Variants in ZNRF3 observed in about 807,000 individuals in gnomAD.
The protein encoded by ZNRF3 is zinc and ring finger 3, also known as E3 ubiquitin-protein ligase ZNRF3.
Under a neutral mutation model 72.5 loss-of-function variants are expected in ZNRF3, and 23 were observed. That is an observed-to-expected ratio of 0.32 (90% CI 0.23 to 0.45). The LOEUF (loss-of-function observed/expected upper bound fraction) is 0.45. ZNRF3 is among the 20% of genes least tolerant of loss of function. The pLI, the probability that ZNRF3 is intolerant of heterozygous loss-of-function variation, is 1.00. For missense variants in ZNRF3, 1,169 were observed against 1,272.1 expected (o/e 0.92, Z 1.23); for synonymous variants, 610 against 545.3 (o/e 1.12, Z -1.65).
chr22:28,921,173 C>T (rs1601560165), intron 1 of ZNRF3, among the ~76,000 whole-genome samples: 1 of 152,198 alleles, frequency 6.6e-6, no homozygotes, highest in African/African-American at 2.4e-5. Context: ...ATGGTTCCCT[C>T]CGGTTCATTG....
chr22:29,021,912 A>C (rs995412121), intron 2 of ZNRF3, among the ~76,000 whole-genome samples: 1 of 151,986 alleles, frequency 6.6e-6, no homozygotes, highest in African/African-American at 2.4e-5. Flanking sequence ...ACACACACAC[A>C]CCCATTAAAC....
At chr22:28,966,867 CT>C (rs530036984) in intron 1 of ZNRF3, among the ~76,000 whole-genome samples, 409 of 102,432 alleles carry the variant, frequency 4.0e-3, no homozygotes, top group Middle Eastern at 0.011. Context: ...TTTTAAAAAT[CT>C]TTTTTTTTTT....
intron 1 of ZNRF3, among the ~76,000 whole-genome samples, chr22:28,898,172 T>C (rs1273230505): frequency 6.6e-6 from 1 of 152,060 alleles, no homozygotes; most frequent in Non-Finnish European, 1.5e-5. Context: ...GCTCTTGGAC[T>C]CCTAAGCTCG....
chr22:28,902,478 G>A (rs907184330), intron 1 of ZNRF3, among the ~76,000 whole-genome samples: 3 of 151,892 alleles, frequency 2.0e-5, no homozygotes, highest in Middle Eastern at 3.2e-3. Flanking sequence ...CCTGTCCTGC[G>A]CTCAAATGAT....
At chr22:29,009,149 A>C (rs1486821833) in intron 2 of ZNRF3, among the ~76,000 whole-genome samples, 1 of 152,180 alleles carries the variant, frequency 6.6e-6, no homozygotes, top group Non-Finnish European at 1.5e-5. Flanking sequence ...TTTTCCTAAA[A>C]GTCTTTCTGG....
intron 1 of ZNRF3, among the ~76,000 whole-genome samples, chr22:28,956,878 A>C (rs2035271678): frequency 6.6e-6 from 1 of 152,218 alleles, no homozygotes; most frequent in South Asian, 2.1e-4. Flanking sequence ...ATAAGGCCTA[A>C]TAAGCATGGC....
chr22:29,008,529 T>C (rs1319931541), intron 2 of ZNRF3, among the ~76,000 whole-genome samples: 2 of 152,218 alleles, frequency 1.3e-5, no homozygotes, highest in African/African-American at 4.8e-5. Context: ...CTCGAACTTT[T>C]TTGGGTTTTA....
At position 29,049,437 on chromosome 22, in the gene ZNRF3, A is replaced by G. The variant is rs2037139438; in HGVS notation, c.1256A>G (p.Tyr419Cys). The change falls in exon 8 of 9, where the codon TAC (tyrosine) becomes TGC (cysteine). Residue 419 changes from tyrosine (Y) to cysteine (C), a missense_variant. Tyr to Cys is a radical substitution (Grantham distance 194, BLOSUM62 -2). This residue lies in a region of ZNRF3 where 783 missense variants were observed against 731.4 expected (regional missense o/e 1.07). Coordinates refer to ENST00000544604, the MANE Select transcript of ZNRF3 (RefSeq NM_001206998.2). The surrounding 1 kb of genome is among the most constrained non-coding windows in gnomAD (Gnocchi z 5.2). ...CAGACCCCCGCCTACATCCGCAGCT[A>G]CCCACCCCTCCACCTGGACCACAGC... is the stretch of plus-strand genomic sequence containing the variant. ...SPQTPAYIRSYPPLHLDHSLA... is the reference protein window; with the variant it reads ...SPQTPAYIRSCPPLHLDHSLA... The G allele has an allele frequency of 1.2e-6, 2 of 1,605,642 alleles. No homozygotes were observed. The highest frequency in any genetic ancestry group is 2.7e-5 in the African/African-American group (2 of 74,784).
At chr22:29,021,091 C>A (rs1242697896) in intron 2 of ZNRF3, among the ~76,000 whole-genome samples, 2 of 151,952 alleles carry the variant, frequency 1.3e-5, no homozygotes, top group Non-Finnish European at 2.9e-5. Context: ...CCACTGCACT[C>A]GGCCTGTTTT....
At chr22:28,969,533 G>A (rs185147442) in intron 1 of ZNRF3, among the ~76,000 whole-genome samples, 1 of 152,224 alleles carries the variant, frequency 6.6e-6, no homozygotes, top group African/African-American at 2.4e-5. Flanking sequence ...AAAACCTATG[G>A]TAGGTAGGCC....
At chr22:29,052,991 A>G (rs771491791) in intron 8 of ZNRF3, among the ~76,000 whole-genome samples, 3 of 152,108 alleles carry the variant, frequency 2.0e-5, no homozygotes, top group Non-Finnish European at 2.9e-5. Flanking sequence ...AAATGTTAGC[A>G]TCTCACTCAG....
chr22:28,888,290 G>T (rs1302230547), intron 1 of ZNRF3, among the ~76,000 whole-genome samples: 2 of 152,192 alleles, frequency 1.3e-5, no homozygotes, highest in Admixed American at 6.5e-5. Context: ...GTGTGCTTCT[G>T]CAGTTTAGCA....
intron 1 of ZNRF3, among the ~76,000 whole-genome samples, chr22:28,912,662 CTTTTT>C (rs138371253): frequency 6.7e-5 from 8 of 119,536 alleles, no homozygotes; most frequent in Non-Finnish European, 8.9e-5. Flanking sequence ...TCTTTTCTTT[CTTTTT>C]TTTTTTTTTT....
At chr22:28,967,036 C>T (rs1398536747) in intron 1 of ZNRF3, among the ~76,000 whole-genome samples, 6 of 151,846 alleles carry the variant, frequency 4.0e-5, no homozygotes, top group Admixed American at 2.0e-4. Flanking sequence ...CCTGTCACCA[C>T]GCCCATCTAA....
chr22:28,979,314 G>A (rs1312535155), intron 1 of ZNRF3, among the ~76,000 whole-genome samples: 2 of 152,162 alleles, frequency 1.3e-5, no homozygotes, highest in South Asian at 2.1e-4. Flanking sequence ...GAGGTTGGAC[G>A]TGGATGGGAA....
chr22:28,904,411 T>C (rs1032193889), intron 1 of ZNRF3, among the ~76,000 whole-genome samples: 1 of 152,244 alleles, frequency 6.6e-6, no homozygotes, highest in Non-Finnish European at 1.5e-5. Flanking sequence ...CTTTTTTCTT[T>C]AGTGAATCAG....
At chr22:28,924,841 A>C (rs530003077) in intron 1 of ZNRF3, among the ~76,000 whole-genome samples, 1 of 152,048 alleles carries the variant, frequency 6.6e-6, no homozygotes, top group East Asian at 1.9e-4. Context: ...CCTTCCCTAG[A>C]GTATGTGAGA....
chr22:29,049,696 C>T lies in ZNRF3; in HGVS notation c.1515C>T (p.Gly505=), dbSNP rs546423118. Residue 505 remains glycine, a synonymous_variant, in exon 8 of 9, where the codon GGC becomes GGT. Coordinates refer to ENST00000544604, the MANE Select transcript of ZNRF3 (RefSeq NM_001206998.2). The surrounding 1 kb of genome is among the most constrained non-coding windows in gnomAD (Gnocchi z 5.2). ...PARAFPPSGS[G]SLLFPTVVHV... ...GTGCCTTTCCTCCGAGCGGCAGTGGCAGCCTGCTCTTCCCCACCGTGGTGC... is the reference window on the plus strand; with the variant it reads ...GTGCCTTTCCTCCGAGCGGCAGTGGTAGCCTGCTCTTCCCCACCGTGGTGC... 2.2e-5 allele frequency: 35 copies of T among 1,606,260 alleles called. 1 individual carries two copies. In the East Asian group the frequency reaches 5.4e-4, roughly 25 times the overall value.
intron 1 of ZNRF3, among the ~76,000 whole-genome samples, chr22:28,923,789 T>C (rs1174421892): frequency 6.6e-6 from 1 of 152,238 alleles, no homozygotes; most frequent in Non-Finnish European, 1.5e-5. Context: ...GCTAGTGATG[T>C]CCCCTCCCAA....
Sources: allele counts gnomAD v4.1 joint callset (sites outside exome capture counted in the v4.1 genomes callset), GRCh38; gene constraint gnomAD v4.1.1; regional missense constraint gnomAD v4.1.1; non-coding constraint Gnocchi (gnomAD v3.1); transcripts MANE v1.5; gene names NCBI Gene and HGNC (gene_info 2026-07-23, HGNC 2026-07-21).